Variants in PPP1R3A observed in about 807,000 individuals in gnomAD.
The protein encoded by PPP1R3A is RG1.
A neutral mutation model predicts 41.7 loss-of-function variants in PPP1R3A; 29 were observed. That is an observed-to-expected ratio of 0.70 (90% CI 0.52 to 0.95). The LOEUF (loss-of-function observed/expected upper bound fraction) is 0.95, where lower values mean the gene tolerates loss of function less well. Ranked by LOEUF, PPP1R3A falls within the 40% of genes least tolerant of loss-of-function variation. The pLI is 0.00. For synonymous variants in PPP1R3A, 485 were observed against 453.4 expected, an observed-to-expected ratio of 1.07 and a Z score of -0.89; for missense variants, 1,352 against 1,292.4, an observed-to-expected ratio of 1.05 and a Z score of -0.71.
intron 3 of PPP1R3A, among the ~76,000 whole-genome samples, chr7:113,881,030 G>A (rs1796684534): frequency 6.6e-6 from 1 of 152,046 alleles, no homozygotes; most frequent in Non-Finnish European, 1.5e-5. Context: ...GTAATGAGAT[G>A]TATTGGTGAA....
intron 1 of PPP1R3A, among the ~76,000 whole-genome samples, chr7:113,895,710 C>T (rs1468190226): frequency 6.6e-6 from 1 of 151,870 alleles, no homozygotes; most frequent in Non-Finnish European, 1.5e-5. Flanking sequence ...ATTAATGTAT[C>T]AGGGAAAACA....
In PPP1R3A at chr7:113,878,489, A is replaced by G. The variant is rs1458798965; in HGVS notation, c.2603T>C (p.Met868Thr). ...ATSKLDLQLGMLPTDKTVFSE... is the reference protein window; with the variant it reads ...ATSKLDLQLGTLPTDKTVFSE... ...AAATACAGTTTTGTCTGTTGGTAAC[A>G]TTCCCAACTGTAAATCCAGTTTTGA... Residue 868 changes from methionine (M) to threonine (T), a missense_variant, in exon 4 of 4, where the codon ATG (methionine) becomes ACG (threonine). Coordinates refer to ENST00000284601, the MANE Select transcript of PPP1R3A (RefSeq NM_002711.4). The G allele has an allele frequency of 6.2e-7, 1 of 1,613,192 alleles. No homozygotes were observed. The highest frequency in any genetic ancestry group is 1.7e-5 in the Admixed American group (1 of 59,858).
rs1797334504 is a variant in PPP1R3A at position 113,915,876 on chromosome 7, T to C, written c.782+2339A>G. 3.9e-5 allele frequency among the ~76,000 whole-genome samples: 6 copies of C among 152,104 alleles called. 2 individuals are homozygous for C. The South Asian group carries it at 1.2e-3, about 31-fold the overall frequency. On this transcript the variant is annotated intron_variant, in intron 1 of 3. Coordinates refer to ENST00000284601, the MANE Select transcript of PPP1R3A (RefSeq NM_002711.4). ...TCTAACCAAACTCTTCACAATAAAATCCAACTGCAATATTCATTTAGAAAT... is the reference window on the plus strand; with the variant it reads ...TCTAACCAAACTCTTCACAATAAAACCCAACTGCAATATTCATTTAGAAAT...
chr7:113,905,086 A>G lies in PPP1R3A; in HGVS notation c.782+13129T>C, dbSNP rs143178155. Among the ~76,000 whole-genome samples, 435 of 151,804 alleles carry G rather than the reference A, an allele frequency of 2.9e-3. 2 individuals carry two copies. The highest frequency in any genetic ancestry group is 1.0e-2 in the African/African-American group (415 of 41,526). ...GTACAATGAAGTTCGCATGAGTATT[A>G]GGAAAAATTATAGTAGAATTCTTAA... On this transcript the variant is annotated intron_variant, in intron 1 of 3. Coordinates refer to ENST00000284601, the MANE Select transcript of PPP1R3A (RefSeq NM_002711.4).
chr7:113,911,199 A>T (rs1182317500), intron 1 of PPP1R3A, among the ~76,000 whole-genome samples: 2 of 152,216 alleles, frequency 1.3e-5, no homozygotes, highest in East Asian at 3.9e-4. Flanking sequence ...TTTTTATCAT[A>T]AGATCTTTAA....
rs149788259 is a variant in PPP1R3A, at chr7:113,878,704, G to T, written c.2388C>A (p.Ile796=). Residue 796 remains isoleucine, a synonymous_variant, in exon 4 of 4, where the codon ATC becomes ATA. Transcript: ENST00000284601. ...TLCQRDTVGV[I]YDNDFEKESR... The stretch of plus-strand genomic sequence containing the variant: ...ATTCCTTTTCAAAATCATTGTCATA[G>T]ATTACACCTACTGTATCTCGTTGAC... 1.4e-4 allele frequency: 231 copies of T among 1,613,322 alleles called. 1 individual carries two copies. The African/African-American group carries it at 2.8e-3, about 20-fold the overall frequency.
At chr7:113,885,858 TAA>T (rs1405439564) in intron 1 of PPP1R3A, among the ~76,000 whole-genome samples, 1 of 148,508 alleles carries the variant, frequency 6.7e-6, no homozygotes, top group Non-Finnish European at 1.5e-5. Context: ...TAACTATATA[TAA>T]CTCTGTAATT....
chr7:113,878,086 A>G lies in PPP1R3A; in HGVS notation c.3006T>C (p.Tyr1002=). Residue 1002 remains tyrosine (Y), a synonymous_variant, in exon 4 of 4, where the codon TAT becomes TAC. Coordinates refer to ENST00000284601, the MANE Select transcript of PPP1R3A (RefSeq NM_002711.4). ...TTGGCCCTAGAGATTTTTCCACACT[A>G]TACTCTTCTGTTTGGAAAATCTGGC... The part of the protein sequence containing the change: ...CIGQIFQTEE[Y]SVEKSLGPMI... The G allele has an allele frequency of 6.2e-7, 1 of 1,613,288 alleles. No individual in the cohort carries two copies. The highest frequency in any genetic ancestry group is 8.5e-7 in the Non-Finnish European group (1 of 1,179,642).
In PPP1R3A at chr7:113,877,821, G is replaced by C. The variant is rs1562915156; in HGVS notation, c.3271C>G (p.His1091Asp). 1 of 1,608,318 alleles carries C rather than the reference G, an allele frequency of 6.2e-7. No homozygotes were observed. The highest frequency in any genetic ancestry group is 1.7e-5 in the Admixed American group (1 of 59,732). ...GTCAAGCCAATCATTAAGTCATAAT[G>C]GTAGACAGTTATAAGAAATATCAGA... ...LFLIFLITVY[H>D]YDLMIGLTFY... The change falls in exon 4 of 4, where the codon CAT becomes GAT. Residue 1091 changes from histidine to aspartate, a missense_variant. Coordinates refer to ENST00000284601, the MANE Select transcript of PPP1R3A (RefSeq NM_002711.4).
intron 2 of PPP1R3A, 35 bp from the exon 3 acceptor site, chr7:113,882,198 T>A (rs1562918151): frequency 6.2e-7 from 1 of 1,602,016 alleles, no homozygotes; most frequent in East Asian, 2.2e-5. Flanking sequence ...TATGTAAGAT[T>A]GTTTTAATTG....
intron 1 of PPP1R3A, among the ~76,000 whole-genome samples, chr7:113,890,424 A>C (rs1796860466): frequency 6.6e-6 from 1 of 152,094 alleles, no homozygotes; most frequent in Non-Finnish European, 1.5e-5. Flanking sequence ...GGGAATCTGC[A>C]TTTTTAACTG....
rs375558488 is a variant in PPP1R3A, at chr7:113,877,978, T to C, written c.3114A>G (p.Leu1038=). The C allele has an allele frequency of 7.4e-6, 12 of 1,613,268 alleles. No homozygotes were observed. The highest frequency in any genetic ancestry group is 1.7e-5 in the Admixed American group (1 of 59,906). ...CAGATTCCTTTTCACCTGAAGTGTA[T>C]AGTGATTGCCCAGAGCTTACTAATC... ...NEGLVSSGQS[L]YTSGEKESDS... The change falls in exon 4 of 4, where the codon CTA becomes CTG. Residue 1038 remains leucine (L), a synonymous_variant. Coordinates refer to ENST00000284601, the MANE Select transcript of PPP1R3A (RefSeq NM_002711.4).
chr7:113,882,482 T>C (rs189211356), intron 1 of PPP1R3A, among the ~76,000 whole-genome samples, 162 bp from the exon 2 acceptor site: 244 of 152,094 alleles, frequency 1.6e-3, no homozygotes, highest in Middle Eastern at 6.8e-3. Flanking sequence ...AAATGATCTT[T>C]TTGGAATGAT....
chr7:113,917,571 A>G (rs936893058), intron 1 of PPP1R3A, among the ~76,000 whole-genome samples: 1 of 152,046 alleles, frequency 6.6e-6, no homozygotes, highest in Non-Finnish European at 1.5e-5. Flanking sequence ...ACTAAATTAT[A>G]CTAATTTGTG....
At chr7:113,916,930 T>G (rs964820743) in intron 1 of PPP1R3A, among the ~76,000 whole-genome samples, 1 of 151,996 alleles carries the variant, frequency 6.6e-6, no homozygotes, top group Admixed American at 6.6e-5. Flanking sequence ...TTCACAAAGT[T>G]GATTAAGCCA....
rs142774244 is a variant in PPP1R3A at position 113,879,614 on chromosome 7, G to T, written c.1478C>A (p.Thr493Lys). 2 of 1,613,132 alleles carry T rather than the reference G, an allele frequency of 1.2e-6. No homozygotes were observed. The highest frequency in any genetic ancestry group is 2.7e-5 in the African/African-American group (2 of 74,954). Residue 493 changes from threonine to lysine, a missense_variant, in exon 4 of 4, where the codon ACG becomes AAG. Physicochemically the swap from Thr to Lys is moderately conservative, Grantham distance 78. Coordinates refer to ENST00000284601, the MANE Select transcript of PPP1R3A (RefSeq NM_002711.4). ...GCLRRDFHSD[T>K]SACLKESTEE... ...TGTTGATTCTTTGAGACATGCCGACGTATCTGAATGGAAATCTCTTCGTAA... is the reference window on the plus strand; with the variant it reads ...TGTTGATTCTTTGAGACATGCCGACTTATCTGAATGGAAATCTCTTCGTAA...
At chr7:113,890,402 T>C (rs1796860296) in intron 1 of PPP1R3A, among the ~76,000 whole-genome samples, 1 of 152,068 alleles carries the variant, frequency 6.6e-6, no homozygotes, top group African/African-American at 2.4e-5. Flanking sequence ...TCAGCATCTC[T>C]GAGTGGGCAG....
At chr7:113,885,827 ATT>A (rs1366268063) in intron 1 of PPP1R3A, among the ~76,000 whole-genome samples, 3 of 149,114 alleles carry the variant, frequency 2.0e-5, no homozygotes, top group African/African-American at 4.9e-5. Context: ...TGCCATATAT[ATT>A]ATAAATTAAA....
Position 113,879,516 on chromosome 7 carries a change from C to T in PPP1R3A, c.1576G>A (p.Val526Ile). The change falls in exon 4 of 4, where the codon GTT (valine) becomes ATT (isoleucine). Residue 526 changes from valine (V) to isoleucine (I), a missense_variant. Val to Ile is a conservative substitution (Grantham distance 29, BLOSUM62 3). Transcript: ENST00000284601. ...AAATTTTTTCTTTGTTTTTCATTAA[C>T]ACCTAAATATATTCTTTGTTCTTCA... ...DDEEQRIYLGVNEKQRKNFQT... is the reference protein window; with the variant it reads ...DDEEQRIYLGINEKQRKNFQT... 1 of 1,613,008 alleles carries T rather than the reference C, an allele frequency of 6.2e-7. No homozygotes were observed. Among genetic ancestry groups the T allele is most frequent in the Non-Finnish European group, 8.5e-7 (1 of 1,179,422 alleles).
Sources: gnomAD v4.1 joint callset for allele counts (sites outside exome capture counted in the v4.1 genomes callset) on GRCh38, gnomAD v4.1.1 for gene constraint, MANE v1.5 for transcripts, NCBI Gene and HGNC (gene_info 2026-07-23, HGNC 2026-07-21) for gene names.